The following PRIM2 variants were observed in gnomAD, a reference collection of about 807,000 sequenced individuals.
PRIM2 encodes the protein DNA primase subunit 2.
A neutral mutation model predicts 67.3 loss-of-function variants in PRIM2; 39 were observed. That is an observed-to-expected ratio of 0.58 (90% CI 0.45 to 0.76). The LOEUF is 0.76. Ranked by LOEUF, PRIM2 falls within the 30% of genes least tolerant of loss-of-function variation. The pLI is 0.00. For missense variants in PRIM2, 398 were observed against 598.7 expected, an observed-to-expected ratio of 0.66 and a Z score of 3.50; for synonymous variants, 143 against 198.7, an observed-to-expected ratio of 0.72 and a Z score of 2.36.
intron 7 of PRIM2, among the ~76,000 whole-genome samples, chr6:57,401,256 G>C (rs150506619): frequency 2.7e-5 from 2 of 74,598 alleles, no homozygotes; most frequent in African/African-American, 1.1e-4. Flanking sequence ...AGTGTAGATC[G>C]AGTAGTCAGT....
At chr6:57,304,977 C>T in the PRIM2 span, among the ~76,000 whole-genome samples, 4 of 152,108 alleles carry the variant, frequency 2.6e-5, no homozygotes, top group African/African-American at 9.7e-5. Flanking sequence ...CAGGAAAGTC[C>T]CTTTCCTCTC....
At chr6:57,512,689 C>T (rs1284658220) in intron 8 of PRIM2, among the ~76,000 whole-genome samples, 6 of 152,122 alleles carry the variant, frequency 3.9e-5, no homozygotes, top group African/African-American at 1.2e-4. Flanking sequence ...CCTCCTCCTA[C>T]TGGGTTCAAG....
At chr6:57,443,952 G>A (rs556709249) in intron 7 of PRIM2, among the ~76,000 whole-genome samples, 2 of 152,080 alleles carry the variant, frequency 1.3e-5, no homozygotes, top group Admixed American at 1.3e-4. Flanking sequence ...TATGGTGTGA[G>A]ATAAGGGTCC....
At chr6:57,290,599 T>C in the PRIM2 span, among the ~76,000 whole-genome samples, 1 of 152,144 alleles carries the variant, frequency 6.6e-6, no homozygotes, top group Admixed American at 6.5e-5. Flanking sequence ...GACCACGTAA[T>C]TGGAAGTAAA....
At chr6:57,357,929 C>T (rs1161314943) in intron 5 of PRIM2, among the ~76,000 whole-genome samples, 3 of 152,098 alleles carry the variant, frequency 2.0e-5, no homozygotes, top group Admixed American at 6.5e-5. Context: ...AGGGTTATCA[C>T]CCGCCTGTCT....
At chr6:57,240,160 C>T in the PRIM2 span, among the ~76,000 whole-genome samples, 2 of 134,668 alleles carry the variant, frequency 1.5e-5, no homozygotes, top group African/African-American at 2.8e-5. Context: ...AGTGCAATGG[C>T]GCGATCTCGG....
chr6:57,426,101 A>G (rs189081440), intron 7 of PRIM2, among the ~76,000 whole-genome samples: 27 of 152,342 alleles, frequency 1.8e-4, no homozygotes, highest in Middle Eastern at 3.4e-3. Context: ...TACTTTACAT[A>G]TAATAATCTG....
the PRIM2 span, among the ~76,000 whole-genome samples, chr6:57,246,889 C>T: frequency 6.7e-6 from 1 of 149,212 alleles, no homozygotes; most frequent in Non-Finnish European, 1.5e-5. Flanking sequence ...GAGTCTCACT[C>T]TGTCGCCCAG....
chr6:57,388,024 C>CT (rs1241981301), intron 7 of PRIM2, among the ~76,000 whole-genome samples: 382 of 151,002 alleles, frequency 2.5e-3, no homozygotes, highest in Non-Finnish European at 2.7e-3. Flanking sequence ...GAATCTTGGC[C>CT]TTTTTTTTTA....
chr6:57,341,088 C>G (rs989605797), intron 5 of PRIM2, among the ~76,000 whole-genome samples: 17 of 152,236 alleles, frequency 1.1e-4, no homozygotes, highest in African/African-American at 4.1e-4. Flanking sequence ...TTTGGATAAA[C>G]TTGAAAGATT....
intron 5 of PRIM2, among the ~76,000 whole-genome samples, chr6:57,371,250 C>T (rs1215694122): frequency 2.0e-5 from 3 of 151,622 alleles, no homozygotes; most frequent in Non-Finnish European, 2.9e-5. Flanking sequence ...GTGTGCTTCC[C>T]TGACATTTAC....
the PRIM2 span, among the ~76,000 whole-genome samples, chr6:57,224,299 A>C: frequency 3.9e-5 from 6 of 152,182 alleles, no homozygotes; most frequent in Admixed American, 6.5e-5. Flanking sequence ...GACACATGTT[A>C]TAGCATGGAT....
At chr6:57,453,138 A>G (rs200372408) in intron 7 of PRIM2, among the ~76,000 whole-genome samples, 4 of 152,020 alleles carry the variant, frequency 2.6e-5, no homozygotes, top group African/African-American at 9.7e-5. Context: ...CTGTTCCATT[A>G]GTCTATATCT....
chr6:57,587,664 C>CAAAAA lies in PRIM2; in HGVS notation c.1021-13403_1021-13399dup, dbSNP rs1157172882. ...GGGCAACAAGAGTGAGACTCTGTCT[C>CAAAAA]AAAAAAAAAAAAAAAAAAAAAAAAA... is the stretch of plus-strand genomic sequence containing the variant. On this transcript the variant is annotated intron_variant, in intron 10 of 13. Transcript: ENST00000615550. Among the ~76,000 whole-genome samples, 332 of 54,242 alleles carry CAAAAA rather than the reference C, an allele frequency of 6.1e-3. 16 individuals are homozygous for CAAAAA. The highest frequency in any genetic ancestry group is 6.7e-3 in the African/African-American group (88 of 13,080). The allele number at this position is 54,242 out of a possible 152,430, so 35.6% of individuals were successfully genotyped here.
chr6:57,337,191 A>C (rs1441929130), intron 5 of PRIM2, among the ~76,000 whole-genome samples: 1 of 151,920 alleles, frequency 6.6e-6, no homozygotes, highest in Non-Finnish European at 1.5e-5. Context: ...CCAATACAGG[A>C]GCACCCAGAT....
At chr6:57,492,875 T>C (rs1405235879) in intron 7 of PRIM2, among the ~76,000 whole-genome samples, 2 of 152,198 alleles carry the variant, frequency 1.3e-5, no homozygotes, top group Non-Finnish European at 2.9e-5. Context: ...TCCATTTTAT[T>C]AAGAATTTGT....
chr6:57,403,506 T>A (rs1487833168), intron 7 of PRIM2, among the ~76,000 whole-genome samples: 9 of 151,954 alleles, frequency 5.9e-5, no homozygotes, highest in Non-Finnish European at 1.0e-4. Flanking sequence ...TCATGGTGCA[T>A]CTGCCATGGC....
At chr6:57,323,971 G>C (rs749261319) in intron 3 of PRIM2, among the ~76,000 whole-genome samples, 1 of 151,960 alleles carries the variant, frequency 6.6e-6, no homozygotes, top group African/African-American at 2.4e-5. Flanking sequence ...TGTAGTCCCA[G>C]CTGCTTGGGA....
chr6:57,322,811 G>A (rs1384156847), intron 3 of PRIM2, among the ~76,000 whole-genome samples: 1 of 152,240 alleles, frequency 6.6e-6, no homozygotes, highest in African/African-American at 2.4e-5. Context: ...GCTTGGGACT[G>A]AAGGATTCTG....
Sources: gnomAD v4.1 joint callset for allele counts (sites outside exome capture counted in the v4.1 genomes callset) on GRCh38, gnomAD v4.1.1 for gene constraint, MANE v1.5 for transcripts, NCBI Gene and HGNC (gene_info 2026-07-23, HGNC 2026-07-21) for gene names.